The following MYO15B variants were observed in gnomAD, a reference collection of about 807,000 sequenced individuals.
MYO15B encodes the protein myosin XVB pseudogene.
Under a neutral mutation model 119.3 loss-of-function variants are expected in MYO15B, and 207 were observed. The ratio of observed to expected loss-of-function variants is 1.73; its 90% confidence interval spans 1.55 to 1.95. The LOEUF (loss-of-function observed/expected upper bound fraction) is 1.95. Ranked by LOEUF, MYO15B falls within the 30% of genes most tolerant of loss-of-function variation. The pLI is 0.00. For missense variants in MYO15B, 2,264 were observed against 1,203.1 expected (o/e 1.88, Z -13.04); for synonymous variants, 966 against 498.9 (o/e 1.94, Z -12.48).
exon 34 of MYO15B, chr17:75,615,262 G>A: frequency 1.4e-6 from 1 of 702,682 alleles, no homozygotes; most frequent in Non-Finnish European, 2.6e-6. Flanking sequence ...TGATTCAGAT[G>A]CCTGCATACC....
Position 75,618,132 on chromosome 17 carries a change from T to TA in MYO15B, c.6935dup (p.Tyr2312Ter). The TA allele has an allele frequency of 1.4e-6, 1 of 703,282 alleles. No individual in the cohort carries two copies. Among genetic ancestry groups the TA allele is most frequent in the Non-Finnish European group, 2.6e-6 (1 of 385,090 alleles). 43.6% of individuals were successfully genotyped at this position (703,282 alleles called of 1,614,324 possible). A position where few individuals can be genotyped will look rare whatever the true frequency, so the allele number is the denominator to read the frequency against. ...CTTCTGTGCCCTCCTCCAGGTGTTC[T>TA]ACCCACGGGAGAACTTCAGCCATCC... The change falls in exon 43 of 64, where the codon TAC becomes TAAC. Residue 2312 changes from tyrosine to a stop codon, truncating the protein, a stop_gained and frameshift_variant. Coordinates refer to ENST00000645453, the Ensembl canonical transcript of MYO15B. LOFTEE classifies it high-confidence loss of function.
exon 6 of MYO15B, chr17:75,591,997 A>G: frequency 1.4e-6 from 1 of 702,614 alleles, no homozygotes; most frequent in Non-Finnish European, 2.6e-6. Flanking sequence ...TGCTGCCTAT[A>G]CTCAGCAGCT....
chr17:75,619,195 G>T (rs780420991), exon 44 of MYO15B: 1 of 702,840 alleles, frequency 1.4e-6, no homozygotes, highest in Non-Finnish European at 2.6e-6. Context: ...CAGAATGAGC[G>T]GCGGAAAATG....
chr17:75,589,313 G>C lies in MYO15B; in HGVS notation c.1256G>C (p.Arg419Thr). The C allele has an allele frequency of 2.6e-6, 1 of 389,828 alleles. No individual in the cohort carries two copies. The highest frequency in any genetic ancestry group is 4.5e-6 in the Non-Finnish European group (1 of 222,220). 24.1% of individuals were successfully genotyped at this position (389,828 alleles called of 1,614,324 possible). ...CCGGACGAGGGGCGGGGTCATGGGA[G>C]AGGAAGCAAGGGGCGGGGCCGCGGG... The change falls in exon 1 of 64, where the codon AGA (arginine) becomes ACA (threonine). Residue 419 changes from arginine (R) to threonine (T), a missense_variant. Physicochemically the swap from Arg to Thr is moderately conservative, Grantham distance 71. Transcript: ENST00000645453. The surrounding 1 kb of genome is among the most constrained non-coding windows in gnomAD (Gnocchi z 4.2).
chr17:75,614,265 G>C lies in MYO15B; in HGVS notation c.5286G>C (p.Leu1762Phe), dbSNP rs1184072257. 4 of 702,800 alleles carry C rather than the reference G, an allele frequency of 5.7e-6. No individual in the cohort carries two copies. In the East Asian group the frequency reaches 1.1e-4, roughly 19 times the overall value. 43.5% of individuals were successfully genotyped at this position (702,800 alleles called of 1,614,324 possible). Reference sequence around the variant, plus strand: ...ACTCCAGGGACGCATGGCAGGACTTGGCTGGCTGCGACTTTGTGCTGGACC... The same window carrying C: ...ACTCCAGGGACGCATGGCAGGACTTCGCTGGCTGCGACTTTGTGCTGGACC... Residue 1762 changes from leucine to phenylalanine, a missense_variant, in exon 30 of 64, where the codon TTG becomes TTC. By Grantham distance (22) the Leu-to-Phe change is conservative. Transcript: ENST00000645453.
At chr17:75,621,305 G>C (rs3743997) in intron 50 of MYO15B, 40 bp from the exon 51 acceptor site, 17,263 of 683,662 alleles carry the variant, frequency 0.025, 708 homozygotes, top group African/African-American at 0.12. Context: ...GAAGGCAGGA[G>C]GGCCAAACAA....
chr17:75,593,748 C>T (rs1249065332), intron 9 of MYO15B, among the ~76,000 whole-genome samples: 1 of 151,300 alleles, frequency 6.6e-6, no homozygotes, highest in African/African-American at 2.4e-5. Flanking sequence ...GGTGAAACCC[C>T]GTCTCTACTA....
At chr17:75,610,118 CATAAGT>C in intron 21 of MYO15B, 42 bp from the exon 22 acceptor site, 1 of 646,688 alleles carries the variant, frequency 1.5e-6, no homozygotes, top group Non-Finnish European at 2.8e-6. Flanking sequence ...AGGCAGGAAG[CATAAGT>C]TTGGACTCTT....
intron 14 of MYO15B, 95 bp from the exon 15 acceptor site, chr17:75,601,343 C>A: frequency 1.6e-6 from 1 of 634,034 alleles, no homozygotes. Flanking sequence ...CCCTTATAGT[C>A]AGTGTAGGCA....
At chr17:75,605,420 G>C (rs543733536) in intron 19 of MYO15B, 84 bp from the exon 20 acceptor site, 2 of 642,150 alleles carry the variant, frequency 3.1e-6, no homozygotes, top group Admixed American at 2.5e-5. Context: ...CTGGGCAAAA[G>C]AGCGAGACTC....
exon 54 of MYO15B, chr17:75,623,844 C>T (rs540510033): frequency 2.9e-5 from 20 of 686,166 alleles, no homozygotes; most frequent in South Asian, 4.5e-5. Context: ...GGTCACGGGA[C>T]ACCCCCGGCC....
At chr17:75,617,879 T>G (rs2058474829) in exon 42 of MYO15B, 1 of 702,650 alleles carries the variant, frequency 1.4e-6, no homozygotes, top group Admixed American at 2.0e-5. Context: ...AGCGTGTGCT[T>G]CTCCTACACC....
At chr17:75,592,270 A>C (rs1314906547) in exon 7 of MYO15B, 1 of 702,832 alleles carries the variant, frequency 1.4e-6, no homozygotes, top group Admixed American at 2.0e-5. Flanking sequence ...GTGTCTCATT[A>C]TCTACTTGAG....
chr17:75,591,075 T>C, intron 3 of MYO15B, 59 bp downstream of exon 3: 1 of 687,216 alleles, frequency 1.5e-6, no homozygotes. Context: ...AGTCCCTGCA[T>C]GTCCCCTTGA....
chr17:75,602,163 T>G, intron 15 of MYO15B: 1 of 346,468 alleles, frequency 2.9e-6, no homozygotes, highest in Non-Finnish European at 5.5e-6. Context: ...TACCCAGGAG[T>G]TGCCCCCAAA....
intron 15 of MYO15B, chr17:75,602,310 T>G: frequency 1.5e-6 from 1 of 685,490 alleles, no homozygotes; most frequent in South Asian, 1.5e-5. Flanking sequence ...GAGTGTGGTC[T>G]TGCTGGGGAC....
At chr17:75,610,586 C>T (rs1046003501) in intron 22 of MYO15B, 17 of 530,818 alleles carry the variant, frequency 3.2e-5, no homozygotes, top group African/African-American at 1.7e-4. Context: ...GTCTATAAAG[C>T]GACTCAAAGG....
In MYO15B at chr17:75,613,537, C is replaced by G. The variant is rs945567235; in HGVS notation, c.5146+66C>G. 1.2e-5 allele frequency: 8 copies of G among 649,730 alleles called. No homozygotes were observed. The African/African-American group carries it at 1.5e-4, about 12-fold the overall frequency. The allele number at this position is 649,730 out of a possible 1,614,324, so 40.2% of individuals were successfully genotyped here. ...GGGGCCAGCCCTACCCCTTTGCCCT[C>G]CCTGGAACCCCTTCCTGCCCCAGTC... is the stretch of plus-strand genomic sequence containing the variant. On this transcript the variant is annotated intron_variant, in intron 28 of 63. Coordinates refer to ENST00000645453, the Ensembl canonical transcript of MYO15B.
exon 64 of MYO15B, chr17:75,626,702 G>A (rs1377290133): frequency 2.3e-5 from 13 of 577,354 alleles, no homozygotes; most frequent in East Asian, 2.9e-5. Context: ...GGGCCAAAGC[G>A]GGCTGCAGGA....
Sources: gnomAD v4.1 joint callset for allele counts (sites outside exome capture counted in the v4.1 genomes callset) on GRCh38, gnomAD v4.1.1 for gene constraint, Gnocchi (gnomAD v3.1) non-coding constraint, MANE v1.5 for transcripts, NCBI Gene and HGNC (gene_info 2026-07-23, HGNC 2026-07-21) for gene names.